The following MRAS variants were observed in gnomAD, a reference collection of about 807,000 sequenced individuals.
MRAS encodes ras-related protein M-Ras.
A neutral mutation model predicts 20.9 loss-of-function variants in MRAS; 4 were observed. The observed-to-expected ratio is 0.19, with a 90% CI of 0.09 to 0.44. The LOEUF is 0.44. MRAS is among the 20% of genes least tolerant of loss of function. The pLI is 0.99. For missense variants in MRAS, 154 were observed against 277.5 expected (o/e 0.56, Z 3.16); for synonymous variants, 98 against 102.9 (o/e 0.95, Z 0.29).
At chr3:138,380,899 A>G (rs1328017610) in intron 2 of MRAS, among the ~76,000 whole-genome samples, 1 of 151,434 alleles carries the variant, frequency 6.6e-6, no homozygotes, top group African/African-American at 2.4e-5. Flanking sequence ...TCTTCCGAGT[A>G]GCTGGGACTA....
chr3:138,354,847 CAT>C (rs1424733967), intron 1 of MRAS, among the ~76,000 whole-genome samples: 1 of 152,162 alleles, frequency 6.6e-6, no homozygotes, highest in Non-Finnish European at 1.5e-5. Context: ...GTGGAGCAAT[CAT>C]AGCTTATCAC....
In MRAS at chr3:138,405,533, G is replaced by A. The variant is rs1040323816; in HGVS notation, c.*3264G>A. 1 of 152,454 alleles carries A rather than the reference G, an allele frequency of 6.6e-6. No homozygotes were observed. The highest frequency in any genetic ancestry group is 1.5e-5 in the Non-Finnish European group (1 of 68,038). 9.4% of individuals were successfully genotyped at this position (152,454 alleles called of 1,614,324 possible). ...ACTGATTAATAAAGAAGAGAAACAC[G>A]TATCTGTCTTAGTTCCTTTTACTCC... On this transcript the variant is annotated 3_prime_UTR_variant, in exon 6 of 6. Coordinates refer to ENST00000423968, the MANE Select transcript of MRAS (RefSeq NM_001085049.3).
intron 2 of MRAS, among the ~76,000 whole-genome samples, chr3:138,383,851 T>C (rs2054954951): frequency 6.6e-6 from 1 of 152,114 alleles, no homozygotes; most frequent in Non-Finnish European, 1.5e-5. Flanking sequence ...TGGTGATAAG[T>C]GCTGTGATGA....
chr3:138,363,714 G>A (rs1374903364), intron 1 of MRAS, among the ~76,000 whole-genome samples: 1 of 151,648 alleles, frequency 6.6e-6, no homozygotes, highest in Non-Finnish European at 1.5e-5. Context: ...TGAGAGGAGG[G>A]TCAGTCCAAC....
intron 2 of MRAS, among the ~76,000 whole-genome samples, chr3:138,379,934 T>C (rs2054865019): frequency 6.6e-6 from 1 of 152,224 alleles, no homozygotes. Flanking sequence ...TACTAGTTTA[T>C]ATTCCCACCA....
intron 1 of MRAS, among the ~76,000 whole-genome samples, chr3:138,350,942 C>CAAA (rs66738068): frequency 0.016 from 1,098 of 67,980 alleles, 20 homozygotes; most frequent in African/African-American, 0.054. Flanking sequence ...GACCCTGTCT[C>CAAA]AAAAAAAAAA....
intron 1 of MRAS, among the ~76,000 whole-genome samples, chr3:138,353,485 A>G (rs2054269469): frequency 6.6e-6 from 1 of 152,050 alleles, no homozygotes; most frequent in Admixed American, 6.5e-5. Flanking sequence ...AGTCCACTGC[A>G]TTTGCGGATT....
intron 1 of MRAS, among the ~76,000 whole-genome samples, chr3:138,366,655 C>T (rs577533897): frequency 6.6e-6 from 1 of 152,280 alleles, no homozygotes; most frequent in South Asian, 2.1e-4. Flanking sequence ...CTAAGAAAAG[C>T]CATGTGATGC....
chr3:138,375,235 C>T (rs2054758912), intron 2 of MRAS, among the ~76,000 whole-genome samples: 1 of 152,264 alleles, frequency 6.6e-6, no homozygotes, highest in Admixed American at 6.5e-5. Flanking sequence ...GAATAAACCC[C>T]ACTTGGTCAT....
At chr3:138,399,959 C>T (rs2055325192) in intron 4 of MRAS, among the ~76,000 whole-genome samples, 1 of 152,234 alleles carries the variant, frequency 6.6e-6, no homozygotes, top group African/African-American at 2.4e-5. Flanking sequence ...GTGATGATTT[C>T]TCACCATTGA....
chr3:138,398,598 C>A, intron 4 of MRAS, 30 bp downstream of exon 4: 1 of 1,595,560 alleles, frequency 6.3e-7, no homozygotes, highest in South Asian at 1.1e-5. Context: ...TAGAGGGGGT[C>A]AGGAGATGTG....
chr3:138,383,082 T>C (rs2054938141), intron 2 of MRAS, among the ~76,000 whole-genome samples: 1 of 152,188 alleles, frequency 6.6e-6, no homozygotes, highest in South Asian at 2.1e-4. Flanking sequence ...TGTATCCAAA[T>C]GAGATACACC....
intron 2 of MRAS, among the ~76,000 whole-genome samples, chr3:138,389,862 T>C (rs1174885845): frequency 1.3e-5 from 2 of 151,828 alleles, no homozygotes; most frequent in East Asian, 3.9e-4. Flanking sequence ...TAGCCAAAGA[T>C]CTTGACCGTA....
chr3:138,402,320 C>G lies in MRAS; in HGVS notation c.*51C>G. 6.9e-7 allele frequency: 1 copy of G among 1,453,630 alleles called. No homozygotes were observed. Among genetic ancestry groups the G allele is most frequent in the Non-Finnish European group, 9.6e-7 (1 of 1,039,574 alleles). 90.0% of individuals were successfully genotyped at this position (1,453,630 alleles called of 1,614,324 possible). On this transcript the variant is annotated 3_prime_UTR_variant, in exon 6 of 6. Transcript: ENST00000423968. ...ACGGTGGCCTGGCCAGCCCTCGGGA[C>G]CCCTCCCCACCTAACTGCACTGAAA...
intron 2 of MRAS, among the ~76,000 whole-genome samples, chr3:138,376,432 A>G (rs2054784602): frequency 6.6e-6 from 1 of 152,214 alleles, no homozygotes; most frequent in African/African-American, 2.4e-5. Context: ...GTCTGAGAGC[A>G]GGGACTTTAT....
At chr3:138,368,147 C>G (rs540476848) in intron 1 of MRAS, among the ~76,000 whole-genome samples, 2 of 152,314 alleles carry the variant, frequency 1.3e-5, no homozygotes, top group East Asian at 3.9e-4. Context: ...AGCCATTTCC[C>G]ATGGAAACAA....
intron 2 of MRAS, among the ~76,000 whole-genome samples, chr3:138,390,934 C>T (rs554427478): frequency 2.0e-4 from 31 of 152,326 alleles, no homozygotes; most frequent in Admixed American, 2.0e-3. Context: ...TATTATCAAA[C>T]TGTGTATGGT....
At chr3:138,399,213 C>T (rs2108565163) in intron 4 of MRAS, among the ~76,000 whole-genome samples, 1 of 152,330 alleles carries the variant, frequency 6.6e-6, no homozygotes, top group East Asian at 1.9e-4. Flanking sequence ...GCTCAGTCTC[C>T]TGAGCTGCAG....
chr3:138,372,338 G>A (rs1037764339), intron 1 of MRAS, among the ~76,000 whole-genome samples: 32 of 152,128 alleles, frequency 2.1e-4, no homozygotes, highest in Non-Finnish European at 4.1e-4. Context: ...CAGAGAGAAA[G>A]GAGCCACAAT....
Sources: allele counts gnomAD v4.1 joint callset (sites outside exome capture counted in the v4.1 genomes callset), GRCh38; gene constraint gnomAD v4.1.1; transcripts MANE v1.5; gene names NCBI Gene and HGNC (gene_info 2026-07-23, HGNC 2026-07-21).